Variants in TMTC2 observed in about 807,000 individuals in gnomAD.
The protein encoded by TMTC2 is transmembrane O-mannosyltransferase targeting cadherins 2, also known as protein O-mannosyl-transferase TMTC2.
Under a neutral mutation model 82.4 loss-of-function variants are expected in TMTC2, and 43 were observed. The ratio of observed to expected loss-of-function variants is 0.52; its 90% CI spans 0.41 to 0.67. TMTC2 has a LOEUF of 0.67. Ranked by LOEUF, TMTC2 falls within the 30% of genes least tolerant of loss-of-function variation. TMTC2 has a pLI of 0.00. For synonymous variants in TMTC2, 408 were observed against 381.9 expected, an observed-to-expected ratio of 1.07 and a Z score of -0.80; for missense variants, 919 against 1,012.4, an observed-to-expected ratio of 0.91 and a Z score of 1.25.
chr12:82,814,422 T>C (rs1224858162), intron 1 of TMTC2, among the ~76,000 whole-genome samples: 3 of 152,132 alleles, frequency 2.0e-5, no homozygotes, highest in Non-Finnish European at 2.9e-5. Flanking sequence ...TAAGGCATGT[T>C]GAGGAATACA....
chr12:82,877,695 A>T (rs1294088641), intron 2 of TMTC2, among the ~76,000 whole-genome samples: 1 of 152,178 alleles, frequency 6.6e-6, no homozygotes, highest in Non-Finnish European at 1.5e-5. Flanking sequence ...AGGATAAGGA[A>T]CTTGACTTGG....
rs200968302 is a variant in TMTC2 at position 82,966,940 on chromosome 12, G to A, written c.1891G>A (p.Glu631Lys). ...HYEEALSVYKEAIQKMPRQFA... is the reference protein window; with the variant it reads ...HYEEALSVYKKAIQKMPRQFA... ...TTAGGAAGCCCTTAGTGTATACAAG[G>A]AAGCAATTCAGAAAATGCCAAGGCA... is the stretch of plus-strand genomic sequence containing the variant. The change falls in exon 7 of 12, where the codon GAA becomes AAA. Residue 631 changes from glutamate to lysine, a missense_variant. Glu to Lys is a moderately conservative substitution (Grantham distance 56). Transcript: ENST00000321196. 457 of 1,612,856 alleles carry A rather than the reference G, an allele frequency of 2.8e-4. No homozygotes were observed. The highest frequency in any genetic ancestry group is 3.4e-4 in the Non-Finnish European group (404 of 1,179,262).
chr12:82,884,693 C>G (rs188203869), intron 2 of TMTC2, among the ~76,000 whole-genome samples: 78 of 152,178 alleles, frequency 5.1e-4, no homozygotes, highest in Non-Finnish European at 9.6e-4. Flanking sequence ...ACCCAGTTTC[C>G]CCTATTATTA....
chr12:82,989,588 G>GA (rs1021017007), intron 8 of TMTC2, among the ~76,000 whole-genome samples: 13 of 149,266 alleles, frequency 8.7e-5, no homozygotes, highest in Non-Finnish European at 1.3e-4. Context: ...AGTTAGAAAA[G>GA]AAAAAAAAAT....
At chr12:82,707,546 A>G (rs1452756591) in intron 1 of TMTC2, among the ~76,000 whole-genome samples, 1 of 152,192 alleles carries the variant, frequency 6.6e-6, no homozygotes, top group Non-Finnish European at 1.5e-5. Flanking sequence ...GGTGATCTTC[A>G]TGACCATTGG....
chr12:83,068,777 G>A (rs1355349656), intron 11 of TMTC2, among the ~76,000 whole-genome samples: 2 of 151,982 alleles, frequency 1.3e-5, no homozygotes, highest in Non-Finnish European at 2.9e-5. Flanking sequence ...GTACTTTAGT[G>A]GTGATTTGTG....
chr12:82,878,022 G>A (rs1872664962), intron 2 of TMTC2, among the ~76,000 whole-genome samples: 1 of 152,186 alleles, frequency 6.6e-6, no homozygotes. Context: ...GGCTATTTGA[G>A]CTACGTATTA....
rs1885376696 is a variant in TMTC2 at position 83,134,600 on chromosome 12, A to G, written c.*2211A>G. 1 of 99,830 alleles carries G rather than the reference A, an allele frequency of 1.0e-5. No individual in the cohort carries two copies. Among genetic ancestry groups the G allele is most frequent in the African/African-American group, 4.3e-5 (1 of 23,512 alleles). The allele number at this position is 99,830 out of a possible 1,614,324, so 6.2% of individuals were successfully genotyped here. On this transcript the variant is annotated 3_prime_UTR_variant, in exon 12 of 12. Coordinates refer to ENST00000321196, the MANE Select transcript of TMTC2 (RefSeq NM_152588.3). ...CAGGGCTGGACTTAGTAACTGACCA[A>G]CTTCGGGGGGAGGGTTGGGGCAAGG...
chr12:82,879,545 AACAGGCCATGGAG>A (rs1872730541), intron 2 of TMTC2, among the ~76,000 whole-genome samples: 1 of 152,140 alleles, frequency 6.6e-6, no homozygotes, highest in African/African-American at 2.4e-5. Flanking sequence ...CTCAGTTCCT[AACAGGCCATGGAG>A]CAGGACCGGT....
chr12:82,969,012 T>C (rs1227414706), intron 7 of TMTC2, among the ~76,000 whole-genome samples: 1 of 152,174 alleles, frequency 6.6e-6, no homozygotes, highest in Non-Finnish European at 1.5e-5. Context: ...GTTTCAGTTA[T>C]TCGGGAAACT....
intron 8 of TMTC2, among the ~76,000 whole-genome samples, chr12:82,988,211 CT>C (rs768123363): frequency 6.6e-6 from 1 of 152,130 alleles, no homozygotes; most frequent in East Asian, 1.9e-4. Context: ...AGAGATACAG[CT>C]GATTTTTGCA....
intron 11 of TMTC2, among the ~76,000 whole-genome samples, chr12:83,062,494 T>A (rs765454104): frequency 1.3e-5 from 2 of 151,846 alleles, no homozygotes; most frequent in Non-Finnish European, 2.9e-5. Flanking sequence ...ATATACCTTC[T>A]GCATCTCTCA....
At chr12:82,904,714 AAGCCAT>A (rs1874196635) in intron 3 of TMTC2, among the ~76,000 whole-genome samples, 1 of 152,180 alleles carries the variant, frequency 6.6e-6, no homozygotes, top group African/African-American at 2.4e-5. Flanking sequence ...CTCATTTTTA[AAGCCAT>A]ATTGATTCGT....
In TMTC2 at chr12:82,896,100, A is replaced by T; in HGVS notation, c.937A>T (p.Thr313Ser). The change falls in exon 3 of 12, where the codon ACT becomes TCT. Residue 313 changes from threonine (T) to serine (S), a missense_variant. By Grantham distance (58) the Thr-to-Ser change is moderately conservative. Coordinates refer to ENST00000321196, the MANE Select transcript of TMTC2 (RefSeq NM_152588.3). ...AGTTTGTGACTGGAGAAACCTACAC[A>T]CTGTGGCCTTCTATACTGGACTCCT... ...KTVCDWRNLHTVAFYTGLLLL... is the reference protein window; with the variant it reads ...KTVCDWRNLHSVAFYTGLLLL... The T allele has an allele frequency of 6.2e-7, 1 of 1,614,074 alleles. No individual in the cohort carries two copies. Among genetic ancestry groups the T allele is most frequent in the Non-Finnish European group, 8.5e-7 (1 of 1,180,014 alleles).
At chr12:82,807,176 T>C (rs767258194) in intron 1 of TMTC2, among the ~76,000 whole-genome samples, 4 of 152,174 alleles carry the variant, frequency 2.6e-5, no homozygotes, top group Non-Finnish European at 5.9e-5. Flanking sequence ...AAGGAAGTGA[T>C]TGTGTTCATT....
At chr12:82,855,974 A>C (rs1405560687) in intron 1 of TMTC2, among the ~76,000 whole-genome samples, 4 of 152,202 alleles carry the variant, frequency 2.6e-5, no homozygotes, top group Non-Finnish European at 4.4e-5. Context: ...GTGGAAAGGG[A>C]ATTAGCCATG....
chr12:82,721,312 T>G (rs1316285169), intron 1 of TMTC2, among the ~76,000 whole-genome samples: 1 of 152,180 alleles, frequency 6.6e-6, no homozygotes, highest in Non-Finnish European at 1.5e-5. Context: ...GAAGCTCATA[T>G]TTTTGCAGTT....
intron 8 of TMTC2, among the ~76,000 whole-genome samples, chr12:83,014,560 A>G (rs1277626777): frequency 6.6e-6 from 1 of 152,116 alleles, no homozygotes; most frequent in Non-Finnish European, 1.5e-5. Context: ...GCTGGTTCCA[A>G]ACTCCTGGGT....
At chr12:83,005,345 A>C (rs1397001227) in intron 8 of TMTC2, among the ~76,000 whole-genome samples, 2 of 151,726 alleles carry the variant, frequency 1.3e-5, no homozygotes, top group East Asian at 3.9e-4. Context: ...AAAAAAAAAA[A>C]AAAAGAGTAA....
Sources: gnomAD v4.1 joint callset for allele counts (sites outside exome capture counted in the v4.1 genomes callset) on GRCh38, gnomAD v4.1.1 for gene constraint, MANE v1.5 for transcripts, NCBI Gene and HGNC (gene_info 2026-07-23, HGNC 2026-07-21) for gene names.